SBF2: variants seen among roughly 807,000 people sequenced by gnomAD.
SBF2 encodes SET binding factor 2, also known as myotubularin-related protein 13.
Under a neutral mutation model 225.2 loss-of-function variants are expected in SBF2, and 112 were observed. The observed-to-expected ratio is 0.50, with a 90% CI of 0.43 to 0.58. SBF2 has a LOEUF of 0.58. SBF2 is among the 20% of genes least tolerant of loss of function. SBF2 has a pLI of 0.00. For synonymous variants in SBF2, 763 were observed against 773.3 expected, an observed-to-expected ratio of 0.99 and a Z score of 0.22; for missense variants, 1,996 against 2,206.2, an observed-to-expected ratio of 0.90 and a Z score of 1.91.
chr11:10,071,838 G>A (rs112840723), intron 2 of SBF2, among the ~76,000 whole-genome samples: 1,915 of 152,242 alleles, frequency 0.013, 19 homozygotes, highest in Non-Finnish European at 0.018. Context: ...GCATCTCAGG[G>A]ATGAAGCTGA....
intron 1 of SBF2, among the ~76,000 whole-genome samples, chr11:10,292,004 G>A (rs1964188971): frequency 6.6e-6 from 1 of 152,210 alleles, no homozygotes; most frequent in Admixed American, 6.5e-5. Flanking sequence ...CAAAGTGACT[G>A]ACCTGTAATT....
At position 9,993,095 on chromosome 11, in the gene SBF2, C is replaced by G. The variant is rs376956314; in HGVS notation, c.1062G>C (p.Glu354Asp). 1 of 1,605,532 alleles carries G rather than the reference C, an allele frequency of 6.2e-7. No homozygotes were observed. Among genetic ancestry groups the G allele is most frequent in the Non-Finnish European group, 8.5e-7 (1 of 1,174,486 alleles). ...ALSHSKMLDK[E>D]VRAVFLRLFA... Reference sequence around the variant, plus strand: ...ATAATCTAAGGAAAACGGCTCGCACCTCTTTATCCTAAAAATATAAGAAGA... The same window carrying G: ...ATAATCTAAGGAAAACGGCTCGCACGTCTTTATCCTAAAAATATAAGAAGA... The change falls in exon 11 of 40, where the codon GAG (glutamate) becomes GAC (aspartate). Residue 354 changes from glutamate to aspartate, a missense_variant. Physicochemically the swap from Glu to Asp is conservative, Grantham distance 45. Coordinates refer to ENST00000256190, the MANE Select transcript of SBF2 (RefSeq NM_030962.4).
In SBF2 at chr11:10,007,512, T is replaced by C. The variant is rs977935162; in HGVS notation, c.620-4823A>G. Among the ~76,000 whole-genome samples the C allele has an allele frequency of 2.0e-5, 3 of 152,196 alleles. No individual in the cohort carries two copies. In the South Asian group the frequency reaches 6.2e-4, roughly 32 times the overall value. On this transcript the variant is annotated intron_variant, in intron 6 of 39. Transcript: ENST00000256190. ...GATTTACTTTGCCGCCAGCAGGGAA[T>C]ATGGATAGAAATCCCCTATGTACAG...
Position 9,997,709 on chromosome 11 carries a change from C to T in SBF2, c.975+557G>A, listed in dbSNP as rs572551521. ...AGGAGAATGGTGTGAACCCGGGAGG[C>T]GGAGCTTGCAGTGAGCCCAGATCGT... is the stretch of plus-strand genomic sequence containing the variant. On this transcript the variant is annotated intron_variant, in intron 9 of 39. Coordinates refer to ENST00000256190, the MANE Select transcript of SBF2 (RefSeq NM_030962.4). Among the ~76,000 whole-genome samples the T allele has an allele frequency of 9.9e-5, 15 of 152,222 alleles. No homozygotes were observed. In the South Asian group the frequency reaches 2.5e-3, roughly 25 times the overall value.
chr11:10,252,669 G>A (rs538031226), intron 1 of SBF2, among the ~76,000 whole-genome samples: 9 of 152,214 alleles, frequency 5.9e-5, no homozygotes, highest in Admixed American at 4.6e-4. Context: ...AATTAGCCGG[G>A]CATGGTGGCA....
intron 39 of SBF2, among the ~76,000 whole-genome samples, chr11:9,781,293 A>G (rs775376325): frequency 1.3e-5 from 2 of 152,264 alleles, no homozygotes; most frequent in Non-Finnish European, 2.9e-5. Context: ...TGCACAAAGC[A>G]ATATGTAGCT....
chr11:10,196,866 A>ATATATATATATATATAGATTTTTT, intron 1 of SBF2, among the ~76,000 whole-genome samples: 1 of 99,314 alleles, frequency 1.0e-5, no homozygotes, highest in African/African-American at 4.0e-5. Context: ...ATATATATAT[A>ATATATATATATATATAGATTTTTT]TTTTTTTTTT....
rs573483321 is a variant in SBF2, at chr11:10,003,659, G to A, written c.620-970C>T. 1.5e-3 allele frequency among the ~76,000 whole-genome samples: 235 copies of A among 152,034 alleles called. 1 individual carries two copies. Among genetic ancestry groups the A allele is most frequent in the Non-Finnish European group, 2.4e-3 (162 of 67,972 alleles). ...TGGGATTACAGGTGTGAGCCACCGCGCCTGGCCTGGTTTTTATTTTTTCTA... is the reference window on the plus strand; with the variant it reads ...TGGGATTACAGGTGTGAGCCACCGCACCTGGCCTGGTTTTTATTTTTTCTA... On this transcript the variant is annotated intron_variant, in intron 6 of 39. Coordinates refer to ENST00000256190, the MANE Select transcript of SBF2 (RefSeq NM_030962.4).
rs188425434 is a variant in SBF2 at position 9,871,120 on chromosome 11, T to C, written c.1930-12724A>G. Reference sequence around the variant, plus strand: ...TTCATAATGAAAGCACCAAAAGCAATTGCAACAAAAGCAAAACTGACAAAT... The same window carrying C: ...TTCATAATGAAAGCACCAAAAGCAACTGCAACAAAAGCAAAACTGACAAAT... On this transcript the variant is annotated intron_variant, in intron 17 of 39. Transcript: ENST00000256190. 9.9e-5 allele frequency among the ~76,000 whole-genome samples: 15 copies of C among 152,006 alleles called. No homozygotes were observed. In the East Asian group the frequency reaches 2.1e-3, roughly 22 times the overall value.
chr11:9,786,015 C>T (rs1175514904), intron 36 of SBF2, among the ~76,000 whole-genome samples: 3 of 152,052 alleles, frequency 2.0e-5, no homozygotes, highest in East Asian at 3.9e-4. Context: ...TACAGGCACA[C>T]ACTACCATGC....
chr11:10,098,418 A>G (rs1952122810), intron 2 of SBF2, among the ~76,000 whole-genome samples: 1 of 151,934 alleles, frequency 6.6e-6, no homozygotes, highest in Admixed American at 6.6e-5. Context: ...CTACAGAGCA[A>G]AGAAGATAAC....
At chr11:9,938,126 C>T (rs1207491907) in intron 16 of SBF2, among the ~76,000 whole-genome samples, 1 of 151,846 alleles carries the variant, frequency 6.6e-6, no homozygotes, top group Admixed American at 6.6e-5. Flanking sequence ...CCCGTCTCCA[C>T]TAAAAATACA....
intron 2 of SBF2, among the ~76,000 whole-genome samples, chr11:10,048,733 T>A (rs886156984): frequency 2.0e-5 from 3 of 152,198 alleles, no homozygotes; most frequent in African/African-American, 7.2e-5. Flanking sequence ...TACTATTAGT[T>A]AATTTATATT....
rs1166065645 is a variant in SBF2, at chr11:9,896,092, A to G, written c.1861-81T>C. ...ACATGCGAACTAACATCTGGGATAC[A>G]CTGTTTACTGTCCTATGGGGTTTTT... On this transcript the variant is annotated intron_variant, in intron 16 of 39. Transcript: ENST00000256190. 4.7e-6 allele frequency: 5 copies of G among 1,069,454 alleles called. No individual in the cohort carries two copies. In the African/African-American group the frequency reaches 7.8e-5, roughly 17 times the overall value. The allele number at this position is 1,069,454 out of a possible 1,614,324, so 66.2% of individuals were successfully genotyped here. A position where few individuals can be genotyped will look rare whatever the true frequency, so the allele number is the denominator to read the frequency against.
intron 17 of SBF2, among the ~76,000 whole-genome samples, 157 bp downstream of exon 17, chr11:9,895,786 C>G (rs1322658835): frequency 6.6e-6 from 1 of 152,202 alleles, no homozygotes; most frequent in Non-Finnish European, 1.5e-5. Context: ...AAATTTCCTA[C>G]ACATAGCATG....
intron 1 of SBF2, among the ~76,000 whole-genome samples, chr11:10,234,488 T>G (rs1338673221): frequency 6.6e-6 from 1 of 152,242 alleles, no homozygotes; most frequent in Non-Finnish European, 1.5e-5. Flanking sequence ...CAGTAAAATT[T>G]GGGTGAGTGG....
At chr11:9,987,954 T>G (rs746278980) in intron 13 of SBF2, among the ~76,000 whole-genome samples, 1 of 152,142 alleles carries the variant, frequency 6.6e-6, no homozygotes, top group East Asian at 1.9e-4. Flanking sequence ...AGAGCCCGCA[T>G]AGCCAAAGCA....
At chr11:10,143,695 T>C (rs1191141640) in intron 2 of SBF2, among the ~76,000 whole-genome samples, 2 of 152,060 alleles carry the variant, frequency 1.3e-5, no homozygotes, top group Admixed American at 6.6e-5. Flanking sequence ...TAAGTTTTTT[T>C]AGATATTAAC....
At chr11:10,214,115 T>A (rs1454243572) in intron 1 of SBF2, among the ~76,000 whole-genome samples, 2 of 152,154 alleles carry the variant, frequency 1.3e-5, no homozygotes, top group Non-Finnish European at 1.5e-5. Context: ...TAAACACTAT[T>A]GACATTTTGG....
Sources: gnomAD v4.1 joint callset for allele counts (sites outside exome capture counted in the v4.1 genomes callset) on GRCh38, gnomAD v4.1.1 for gene constraint, MANE v1.5 for transcripts, NCBI Gene and HGNC (gene_info 2026-07-23, HGNC 2026-07-21) for gene names.